WDR33: variants seen among roughly 807,000 people sequenced by gnomAD.
WDR33 encodes the protein WD repeat domain 33.
In WDR33, 47 loss-of-function variants were observed where a neutral mutation model predicts 164.9. The observed-to-expected ratio is 0.29, with a 90% CI of 0.23 to 0.36. The LOEUF (loss-of-function observed/expected upper bound fraction) is 0.36, where lower values mean the gene tolerates loss of function less well. WDR33 is among the 10% of genes least tolerant of loss of function. The probability of loss-of-function intolerance (pLI) is 1.00; values close to 1 mark genes in which losing one functional copy is unlikely to be tolerated. For synonymous variants in WDR33, 505 were observed against 589.0 expected, an observed-to-expected ratio of 0.86 and a Z score of 2.06; for missense variants, 1,137 against 1,754.1, an observed-to-expected ratio of 0.65 and a Z score of 6.28.
Position 127,722,502 on chromosome 2 carries a change from A to C in WDR33, c.1518+89T>G. On this transcript the variant is annotated intron_variant, in intron 14 of 21. Coordinates refer to ENST00000322313, the MANE Select transcript of WDR33 (RefSeq NM_018383.5). This position sits in a 1 kb window ranked among gnomAD's most constrained non-coding sequence, Gnocchi z 5.1. Reference sequence around the variant, plus strand: ...GGGAAAAATGCTCCAGTACAGAAACACCTTCAACAGTGAGATAATCCAAGA... The same window carrying C: ...GGGAAAAATGCTCCAGTACAGAAACCCCTTCAACAGTGAGATAATCCAAGA... The C allele has an allele frequency of 6.5e-7, 1 of 1,529,824 alleles. No individual in the cohort carries two copies. The highest frequency in any genetic ancestry group is 8.8e-7 in the Non-Finnish European group (1 of 1,137,696). The allele number at this position is 1,529,824 out of a possible 1,614,324, so 94.8% of individuals were successfully genotyped here.
intron 1 of WDR33, among the ~76,000 whole-genome samples, chr2:127,776,793 A>G (rs969086142): frequency 3.7e-4 from 57 of 152,254 alleles, no homozygotes; most frequent in Non-Finnish European, 2.8e-4. Context: ...TGACCACGAC[A>G]GAAAGAACCA....
intron 1 of WDR33, among the ~76,000 whole-genome samples, chr2:127,792,291 C>T (rs1688866470): frequency 6.6e-6 from 1 of 152,032 alleles, no homozygotes; most frequent in African/African-American, 2.4e-5. Context: ...ACTTTGAGAA[C>T]TCACCACTGC....
chr2:127,762,370 C>A (rs59082750), intron 7 of WDR33: 3 of 361,858 alleles, frequency 8.3e-6, no homozygotes, highest in Admixed American at 6.5e-5. Context: ...CTTAACTCTA[C>A]CACCACTGAA....
At chr2:127,800,959 T>A (rs140388135) in intron 1 of WDR33, among the ~76,000 whole-genome samples, 65 of 152,148 alleles carry the variant, frequency 4.3e-4, no homozygotes, top group African/African-American at 1.4e-3. Context: ...GGAATATTAC[T>A]ATTATTGGGC....
Position 127,701,843 on chromosome 2 carries a change from G to C in WDR33, c.*4480C>G. 6.9e-7 allele frequency: 1 copy of C among 1,458,790 alleles called. No homozygotes were observed. The highest frequency in any genetic ancestry group is 9.0e-7 in the Non-Finnish European group (1 of 1,109,940). 90.4% of individuals were successfully genotyped at this position (1,458,790 alleles called of 1,614,324 possible). ...ACGCACCGGTGTTGCTGCTGCGCGC[G>C]CGCAAGTTCGCGCTGCTCTGGTCAC... On this transcript the variant is annotated 3_prime_UTR_variant, in exon 22 of 22. Coordinates refer to ENST00000322313, the MANE Select transcript of WDR33 (RefSeq NM_018383.5).
chr2:127,757,727 T>C (rs1687558565), intron 7 of WDR33, among the ~76,000 whole-genome samples: 1 of 152,216 alleles, frequency 6.6e-6, no homozygotes, highest in African/African-American at 2.4e-5. Context: ...AGGTTTATTA[T>C]CATAAACTAC....
chr2:127,786,193 G>A (rs1191270065), intron 1 of WDR33, among the ~76,000 whole-genome samples: 1 of 152,146 alleles, frequency 6.6e-6, no homozygotes, highest in Non-Finnish European at 1.5e-5. Flanking sequence ...GCCACCATGA[G>A]TGGTTAAACT....
chr2:127,701,802 G>T lies in WDR33; in HGVS notation c.*4521C>A. ...CCTGCTGCTGGCTGCACTGTGTTTC[G>T]GCCTAGCCGCGCTCTACGCACCGGT... On this transcript the variant is annotated 3_prime_UTR_variant, in exon 22 of 22. Coordinates refer to ENST00000322313, the MANE Select transcript of WDR33 (RefSeq NM_018383.5). The T allele has an allele frequency of 6.9e-7, 1 of 1,454,570 alleles. No individual in the cohort carries two copies. Among genetic ancestry groups the T allele is most frequent in the Admixed American group, 2.5e-5 (1 of 40,628 alleles). The allele number at this position is 1,454,570 out of a possible 1,614,324, so 90.1% of individuals were successfully genotyped here.
In WDR33 at chr2:127,701,534, G is replaced by C; in HGVS notation, c.*4789C>G. On this transcript the variant is annotated 3_prime_UTR_variant, in exon 22 of 22. Coordinates refer to ENST00000322313, the MANE Select transcript of WDR33 (RefSeq NM_018383.5). The stretch of plus-strand genomic sequence containing the variant: ...CTGCCACCGCCTTGTCCAAGATGGC[G>C]GACCTCCACCGCCAGCTGCAGGAGT... 7.5e-7 allele frequency: 1 copy of C among 1,337,350 alleles called. No individual in the cohort carries two copies. Among genetic ancestry groups the C allele is most frequent in the Non-Finnish European group, 9.6e-7 (1 of 1,042,098 alleles). 82.8% of individuals were successfully genotyped at this position (1,337,350 alleles called of 1,614,324 possible).
At chr2:127,748,829 C>T (rs1421164501) in intron 7 of WDR33, among the ~76,000 whole-genome samples, 1 of 148,512 alleles carries the variant, frequency 6.7e-6, no homozygotes, top group Admixed American at 6.7e-5. Context: ...ATTACTGTCT[C>T]GATCTCCTGG....
intron 1 of WDR33, among the ~76,000 whole-genome samples, chr2:127,792,864 A>C (rs967196250): frequency 2.0e-5 from 3 of 152,134 alleles, no homozygotes; most frequent in African/African-American, 7.2e-5. Context: ...TCTAAAAAGG[A>C]AAAAAATAAA....
chr2:127,755,839 A>G (rs1361831736), intron 7 of WDR33, among the ~76,000 whole-genome samples: 1 of 152,208 alleles, frequency 6.6e-6, no homozygotes, highest in East Asian at 1.9e-4. Flanking sequence ...CCTGACAAGG[A>G]GTTCCTAAAA....
chr2:127,720,039 G>A lies in WDR33; in HGVS notation c.1986C>T (p.Pro662=), dbSNP rs1426492977. ...TGTCCTGAGGCCGTGGCAACCCCTG[G>A]GGCGGGCCCTGGGGCCCCTGTGGTC... The part of the protein sequence containing the change: ...FMGPQGPQGP[P]QGLPRPQDMH... Residue 662 remains proline, a synonymous_variant, in exon 16 of 22, where the codon CCC becomes CCT. Coordinates refer to ENST00000322313, the MANE Select transcript of WDR33 (RefSeq NM_018383.5). This position sits in a 1 kb window ranked among gnomAD's most constrained non-coding sequence, Gnocchi z 5.9. 6.2e-7 allele frequency: 1 copy of A among 1,613,758 alleles called. No homozygotes were observed. The highest frequency in any genetic ancestry group is 1.3e-5 in the African/African-American group (1 of 74,950).
intron 1 of WDR33, among the ~76,000 whole-genome samples, chr2:127,802,439 G>A (rs1292161108): frequency 1.3e-5 from 2 of 151,904 alleles, no homozygotes; most frequent in African/African-American, 4.8e-5. Context: ...GTGCCACCAC[G>A]CCTGGCTAAT....
chr2:127,798,263 G>A (rs933410583), intron 1 of WDR33, among the ~76,000 whole-genome samples: 1 of 151,264 alleles, frequency 6.6e-6, no homozygotes, highest in South Asian at 2.1e-4. Context: ...AGCTACCAGG[G>A]GGGCTGAGGC....
In WDR33 at chr2:127,763,935, G is replaced by A; in HGVS notation, c.627-776C>T. ...CTAAGGCAAAATCTACAAAGCAGAA[G>A]CATGTTCATCCAACAATTTCTGTTA... On this transcript the variant is annotated intron_variant, in intron 6 of 21. Transcript: ENST00000322313. The surrounding 1 kb of genome is among the most constrained non-coding windows in gnomAD (Gnocchi z 4.5). 4.1e-6 allele frequency: 4 copies of A among 985,780 alleles called. No homozygotes were observed. The highest frequency in any genetic ancestry group is 4.8e-6 in the Non-Finnish European group (4 of 830,214). The allele number at this position is 985,780 out of a possible 1,614,324, so 61.1% of individuals were successfully genotyped here. A position where few individuals can be genotyped will look rare whatever the true frequency, so the allele number is the denominator to read the frequency against.
chr2:127,801,791 G>A (rs916219865), intron 1 of WDR33, among the ~76,000 whole-genome samples: 1 of 152,114 alleles, frequency 6.6e-6, no homozygotes, highest in Non-Finnish European at 1.5e-5. Context: ...GACTGAGGCA[G>A]GATAATTGTT....
At chr2:127,756,378 GA>G (rs566378902) in intron 7 of WDR33, among the ~76,000 whole-genome samples, 384 of 136,138 alleles carry the variant, frequency 2.8e-3, no homozygotes, top group South Asian at 0.02. Flanking sequence ...AAATTACTAT[GA>G]AAAAAAAAAA....
intron 1 of WDR33, among the ~76,000 whole-genome samples, chr2:127,786,921 G>C (rs545824024): frequency 8.0e-6 from 1 of 124,614 alleles, no homozygotes; most frequent in Admixed American, 8.3e-5. Flanking sequence ...ATTTGGCAGG[G>C]TCATGGGACA....
Sources: gnomAD v4.1 joint callset for allele counts (sites outside exome capture counted in the v4.1 genomes callset) on GRCh38, gnomAD v4.1.1 for gene constraint, Gnocchi (gnomAD v3.1) non-coding constraint, MANE v1.5 for transcripts, NCBI Gene and HGNC (gene_info 2026-07-23, HGNC 2026-07-21) for gene names.